The following PTPRD variants were observed in gnomAD, a reference collection of about 807,000 sequenced individuals.
The protein encoded by PTPRD is receptor-type tyrosine-protein phosphatase delta.
In PTPRD, 34 loss-of-function variants were observed where a neutral mutation model predicts 214.5. The ratio of observed to expected loss-of-function variants is 0.16; its 90% CI spans 0.12 to 0.21. The LOEUF (loss-of-function observed/expected upper bound fraction) is 0.21, where lower values mean the gene tolerates loss of function less well. Among genes scored for constraint, PTPRD ranks in the 10% least tolerant of loss-of-function variants. PTPRD has a pLI of 1.00. For missense variants in PTPRD, 2,545 were observed against 2,398.7 expected (o/e 1.06, Z -1.27); for synonymous variants, 1,128 against 845.7 (o/e 1.33, Z -5.79).
At chr9:8,658,286 T>A (rs2096954848) in intron 12 of PTPRD, among the ~76,000 whole-genome samples, 1 of 152,212 alleles carries the variant, frequency 6.6e-6, no homozygotes, top group South Asian at 2.1e-4. Context: ...AGCAATTTAA[T>A]TTTTAAAATC....
chr9:10,408,176 C>A (rs1185873645), intron 2 of PTPRD, among the ~76,000 whole-genome samples: 1 of 151,438 alleles, frequency 6.6e-6, no homozygotes, highest in Non-Finnish European at 1.5e-5. Flanking sequence ...TGACAACCAA[C>A]CTAAGGTTCT....
At chr9:10,434,238 T>C (rs1260352664) in intron 2 of PTPRD, among the ~76,000 whole-genome samples, 1 of 151,780 alleles carries the variant, frequency 6.6e-6, no homozygotes, top group Non-Finnish European at 1.5e-5. Context: ...CAGTCTCCCA[T>C]ATAAAGGTAC....
At chr9:9,578,207 C>T (rs371617476) in intron 7 of PTPRD, among the ~76,000 whole-genome samples, 1 of 151,992 alleles carries the variant, frequency 6.6e-6, no homozygotes, top group South Asian at 2.1e-4. Flanking sequence ...CCTAAACTTA[C>T]CATGCTGAAT....
At chr9:8,873,966 T>C (rs1381648911) in intron 11 of PTPRD, among the ~76,000 whole-genome samples, 2 of 152,172 alleles carry the variant, frequency 1.3e-5, no homozygotes, top group South Asian at 2.1e-4. Context: ...ATACGGAGTC[T>C]CTATCATACT....
At chr9:9,619,419 G>A (rs79413180) in intron 7 of PTPRD, among the ~76,000 whole-genome samples, 12,731 of 150,368 alleles carry the variant, frequency 0.085, 588 homozygotes, top group Middle Eastern at 0.15. Flanking sequence ...CCTAAATTAT[G>A]AAAAACAATT....
chr9:8,417,404 A>T (rs1363434632), intron 35 of PTPRD, among the ~76,000 whole-genome samples: 1 of 152,178 alleles, frequency 6.6e-6, no homozygotes, highest in Admixed American at 6.6e-5. Context: ...TAATGCAGCA[A>T]AGGGTAGAGC....
At chr9:9,253,567 T>C (rs1225959946) in intron 9 of PTPRD, among the ~76,000 whole-genome samples, 1 of 152,082 alleles carries the variant, frequency 6.6e-6, no homozygotes, top group Non-Finnish European at 1.5e-5. Context: ...ACACCTCAAA[T>C]TGCTTCAGTT....
intron 7 of PTPRD, among the ~76,000 whole-genome samples, chr9:9,727,000 A>G (rs1425659239): frequency 3.3e-5 from 5 of 152,180 alleles, no homozygotes; most frequent in Non-Finnish European, 5.9e-5. Flanking sequence ...GAAGAACTAT[A>G]GGATAGTATT....
At chr9:8,493,024 A>G (rs1327081153) in intron 26 of PTPRD, 45 bp from the exon 27 acceptor site, 1 of 1,501,588 alleles carries the variant, frequency 6.7e-7, no homozygotes, top group East Asian at 2.3e-5. Flanking sequence ...ACATGCTACT[A>G]ATGCTCTGGG....
intron 10 of PTPRD, among the ~76,000 whole-genome samples, chr9:9,157,686 AT>A (rs2099882437): frequency 6.6e-6 from 1 of 152,114 alleles, no homozygotes; most frequent in African/African-American, 2.4e-5. Flanking sequence ...TATAACCAAC[AT>A]TTATTTTCTT....
rs1484215655 is a variant in PTPRD at position 9,031,606 on chromosome 9, G to A, written c.-142-12871C>T. 2.0e-5 allele frequency among the ~76,000 whole-genome samples: 3 copies of A among 152,024 alleles called. No homozygotes were observed. In the East Asian group the frequency reaches 5.8e-4, roughly 30 times the overall value. ...TTTCAGCTCTATTATAATCTTAAGG[G>A]ACCACCAATAAATACGTGGTCCATC... is the stretch of plus-strand genomic sequence containing the variant. On this transcript the variant is annotated intron_variant, in intron 10 of 45. Transcript: ENST00000381196.
intron 8 of PTPRD, among the ~76,000 whole-genome samples, chr9:9,456,186 T>C (rs186226244): frequency 3.5e-4 from 53 of 152,024 alleles, no homozygotes; most frequent in African/African-American, 9.6e-4. Flanking sequence ...TTTAGTCACA[T>C]TGTTAAGAAC....
intron 8 of PTPRD, among the ~76,000 whole-genome samples, chr9:9,423,181 T>G (rs1219201675): frequency 2.0e-5 from 3 of 152,190 alleles, no homozygotes; most frequent in African/African-American, 7.2e-5. Context: ...ATGTCCAGTA[T>G]ATGAAATGAA....
At chr9:9,800,757 C>G (rs113552396) in intron 5 of PTPRD, 52 of 152,222 alleles carry the variant, frequency 3.4e-4, no homozygotes, top group African/African-American at 1.2e-3. Flanking sequence ...CCCAATTTAT[C>G]CAATGTTGAA....
chr9:9,579,579 C>T (rs1019628587), intron 7 of PTPRD, among the ~76,000 whole-genome samples: 1 of 151,996 alleles, frequency 6.6e-6, no homozygotes, highest in Non-Finnish European at 1.5e-5. Context: ...CTAATCCTCC[C>T]CTGCCACCTC....
intron 10 of PTPRD, among the ~76,000 whole-genome samples, chr9:9,096,634 T>C (rs537389604): frequency 1.3e-5 from 2 of 152,318 alleles, no homozygotes; most frequent in East Asian, 3.9e-4. Context: ...ATTATCAGAA[T>C]AGAACAAATA....
At chr9:9,525,207 T>C (rs1330380447) in intron 8 of PTPRD, among the ~76,000 whole-genome samples, 1 of 152,130 alleles carries the variant, frequency 6.6e-6, no homozygotes, top group Non-Finnish European at 1.5e-5. Flanking sequence ...CATCATGTTG[T>C]CTTTTGGAAG....
At chr9:10,337,853 T>C (rs926091693) in intron 3 of PTPRD, among the ~76,000 whole-genome samples, 1 of 151,692 alleles carries the variant, frequency 6.6e-6, no homozygotes, top group Non-Finnish European at 1.5e-5. Context: ...CCGTATAACA[T>C]TTTTTTCAGA....
At chr9:10,365,372 T>C (rs1344726873) in intron 2 of PTPRD, among the ~76,000 whole-genome samples, 1 of 152,212 alleles carries the variant, frequency 6.6e-6, no homozygotes, top group African/African-American at 2.4e-5. Context: ...TCTTCCCAAG[T>C]AGCTACATCA....
Sources: gnomAD v4.1 joint callset for allele counts (sites outside exome capture counted in the v4.1 genomes callset) on GRCh38, gnomAD v4.1.1 for gene constraint, MANE v1.5 for transcripts, NCBI Gene and HGNC (gene_info 2026-07-23, HGNC 2026-07-21) for gene names.